MIP: variants seen among roughly 807,000 people sequenced by gnomAD.
The protein encoded by MIP is lens fiber major intrinsic protein.
Under a neutral mutation model 21.8 loss-of-function variants are expected in MIP, and 14 were observed. The observed-to-expected ratio is 0.64, with a 90% confidence interval of 0.42 to 1.00. The LOEUF (loss-of-function observed/expected upper bound fraction) is 1.00. Among genes scored for constraint, MIP ranks in the 50% least tolerant of loss-of-function variants. The probability of loss-of-function intolerance (pLI) is 0.00; values close to 1 mark genes in which losing one functional copy is unlikely to be tolerated. For missense variants in MIP, 260 were observed against 333.5 expected, an observed-to-expected ratio of 0.78 and a Z score of 1.72; for synonymous variants, 133 against 141.4, an observed-to-expected ratio of 0.94 and a Z score of 0.42.
In MIP at chr12:56,450,636, G is replaced by A. The variant is rs1868566825; in HGVS notation, c.*644C>T. 1 of 152,854 alleles carries A rather than the reference G, an allele frequency of 6.5e-6. No individual in the cohort carries two copies. The highest frequency in any genetic ancestry group is 1.5e-5 in the Non-Finnish European group (1 of 68,592). 9.5% of individuals were successfully genotyped at this position (152,854 alleles called of 1,614,324 possible). A position where few individuals can be genotyped will look rare whatever the true frequency, so the allele number is the denominator to read the frequency against. On this transcript the variant is annotated 3_prime_UTR_variant, in exon 4 of 4. Transcript: ENST00000652304. ...TTCTCAGAGCTACTTCCCCACCCAA[G>A]TCCCTGGGGCAAGCATCCCTAAGAT...
At position 56,453,102 on chromosome 12, in the gene MIP, G is replaced by A. The variant is rs754037578; in HGVS notation, c.576C>T (p.Ala192=). The change falls in exon 3 of 4, where the codon GCC becomes GCT. Residue 192 remains alanine, a synonymous_variant. Transcript: ENST00000652304. The part of the protein sequence containing the change: ...GMNPARSFAP[A]ILTGNFTNHW... ...GGTTAGTGAAGTTCCCAGTGAGAAT[G>A]GCAGGAGCAAAGGAGCGGGCAGGAT... The A allele has an allele frequency of 1.4e-5, 23 of 1,613,466 alleles. No individual in the cohort carries two copies. In the East Asian group the frequency reaches 4.9e-4, roughly 34 times the overall value.
intron 2 of MIP, 61 bp downstream of exon 2, chr12:56,453,530 T>C (rs2136166212): frequency 1.3e-6 from 2 of 1,588,092 alleles, no homozygotes; most frequent in East Asian, 2.2e-5. Flanking sequence ...CCCTTAAAAG[T>C]TGGGAAAGGT....
Position 56,451,146 on chromosome 12 carries a change from A to G in MIP, c.*134T>C. The G allele has an allele frequency of 1.4e-6, 1 of 727,600 alleles. No homozygotes were observed. Among genetic ancestry groups the G allele is most frequent in the South Asian group, 1.8e-5 (1 of 55,764 alleles). The allele number at this position is 727,600 out of a possible 1,614,324, so 45.1% of individuals were successfully genotyped here. A position where few individuals can be genotyped will look rare whatever the true frequency, so the allele number is the denominator to read the frequency against. On this transcript the variant is annotated 3_prime_UTR_variant, in exon 4 of 4. Transcript: ENST00000652304. ...ACAGCAAAAGGAAAAAAAAAAAAAA[A>G]ACAACCACATACATAAGTTAAAAAA...
At position 56,450,974 on chromosome 12, in the gene MIP, G is replaced by A; in HGVS notation, c.*306C>T. 3 of 391,752 alleles carry A rather than the reference G, an allele frequency of 7.7e-6. No homozygotes were observed. The highest frequency in any genetic ancestry group is 7.3e-5 in the South Asian group (3 of 41,066). 24.3% of individuals were successfully genotyped at this position (391,752 alleles called of 1,614,324 possible). A position where few individuals can be genotyped will look rare whatever the true frequency, so the allele number is the denominator to read the frequency against. On this transcript the variant is annotated 3_prime_UTR_variant, in exon 4 of 4. Transcript: ENST00000652304. The stretch of plus-strand genomic sequence containing the variant: ...GAGGTATAGGATGGCACCTCTTTTT[G>A]CTTCCTTAGCTCTCATGCCCCAAAA...
chr12:56,452,877 G>A, intron 3 of MIP, 195 bp downstream of exon 3: 1 of 628,424 alleles, frequency 1.6e-6, no homozygotes, highest in Non-Finnish European at 2.9e-6. Flanking sequence ...GGAAAAATAT[G>A]AGCAAGAGCC....
Position 56,451,941 on chromosome 12 carries a change from C to G in MIP, c.607-476G>C, listed in dbSNP as rs139432087. The stretch of plus-strand genomic sequence containing the variant: ...CCTGAAATCCCAGCTACTCAGGAGG[C>G]TGAGGCAGGAGAATTGCTTGAACCC... On this transcript the variant is annotated intron_variant, in intron 3 of 3. Transcript: ENST00000652304. Among the ~76,000 whole-genome samples, 780 of 152,248 alleles carry G rather than the reference C, an allele frequency of 5.1e-3. 6 individuals carry two copies. Among genetic ancestry groups the G allele is most frequent in the African/African-American group, 0.018 (730 of 41,540 alleles).
chr12:56,454,193 G>A, intron 1 of MIP, 61 bp downstream of exon 1: 2 of 1,610,818 alleles, frequency 1.2e-6, no homozygotes, highest in East Asian at 2.2e-5. Flanking sequence ...ACCAGTCAGG[G>A]AGTCAGGGCA....
rs762459549 is a variant in MIP at position 56,454,338 on chromosome 12, G to A, written c.276C>T (p.Ala92=). 15 of 1,613,822 alleles carry A rather than the reference G, an allele frequency of 9.3e-6. No homozygotes were observed. The highest frequency in any genetic ancestry group is 1.1e-5 in the South Asian group (1 of 91,090). ...CCCCAGCCACAGCTCCCAGGAGCTG[G>A]GCTGCCATATAGCAGAAGGCACGGA... The part of the protein sequence containing the change: ...SLLRAFCYMA[A]QLLGAVAGAA... The change falls in exon 1 of 4, where the codon GCC becomes GCT. Residue 92 remains alanine (A), a synonymous_variant. Coordinates refer to ENST00000652304, the MANE Select transcript of MIP (RefSeq NM_012064.4).
At position 56,451,281 on chromosome 12, in the gene MIP, T is replaced by TA. The variant is rs549078404; in HGVS notation, c.790dup (p.Ter264LeufsTer7). 6.4e-5 allele frequency: 103 copies of TA among 1,613,340 alleles called. No individual in the cohort carries two copies. The highest frequency in any genetic ancestry group is 8.6e-5 in the Non-Finnish European group (101 of 1,180,020). ...ACTCCCTCTATTCAGCTGGAGCTTC[T>TA]ACAGGGCCTGGGTGTTCAGTTCAAC... On this transcript the variant is annotated frameshift_variant and stop_lost, in exon 4 of 4. Transcript: ENST00000652304. LOFTEE classifies it high-confidence loss of function.
At position 56,454,421 on chromosome 12, in the gene MIP, C is replaced by T; in HGVS notation, c.193G>A (p.Ala65Thr). Residue 65 changes from alanine (A) to threonine (T), a missense_variant, in exon 1 of 4, where the codon GCC (alanine) becomes ACC (threonine). Transcript: ENST00000652304. ...AAAGTGACTGCAGGATTGACGTGGG[C>T]TCCACTGATGTGGCCCACAGACTGC... ...LVQSVGHISG[A>T]HVNPAVTFAF... 6.2e-7 allele frequency: 1 copy of T among 1,614,168 alleles called. No homozygotes were observed. The highest frequency in any genetic ancestry group is 1.1e-5 in the South Asian group (1 of 91,086).
intron 3 of MIP, among the ~76,000 whole-genome samples, chr12:56,452,124 T>C (rs1868640068): frequency 6.6e-6 from 1 of 152,224 alleles, no homozygotes; most frequent in Non-Finnish European, 1.5e-5. Context: ...GTGCAACCTA[T>C]GTCTAGAACT....
chr12:56,454,259 T>G lies in MIP; in HGVS notation c.355A>C (p.Asn119His), dbSNP rs1369582895. Residue 119 changes from asparagine to histidine, a missense_variant, in exon 1 of 4, where the codon AAC (asparagine) becomes CAC (histidine). Asn to His is a moderately conservative substitution (Grantham distance 68, BLOSUM62 1). Coordinates refer to ENST00000652304, the MANE Select transcript of MIP (RefSeq NM_012064.4). ...CCCTCTCAGCCAACCATTACCGTGT[T>G]GAGTGCTAGGTTTCCTCGGACAGCA... ...PPAVRGNLAL[N>H]TLHPAVSVGQ... The G allele has an allele frequency of 6.2e-7, 1 of 1,614,070 alleles. No individual in the cohort carries two copies. Among genetic ancestry groups the G allele is most frequent in the East Asian group, 2.2e-5 (1 of 44,884 alleles).
At chr12:56,452,952 T>C in intron 3 of MIP, 120 bp downstream of exon 3, 1 of 779,892 alleles carries the variant, frequency 1.3e-6, no homozygotes, top group South Asian at 1.4e-5. Context: ...ACAGCCCCCT[T>C]AGCTGAGTGC....
At chr12:56,455,765 C>A (rs1039295514), upstream of MIP, among the ~76,000 whole-genome samples, 1 of 152,162 alleles carries the variant, frequency 6.6e-6, no homozygotes, top group Non-Finnish European at 1.5e-5. Context: ...ATAGGTTCTA[C>A]CATCTCCACA....
intron 3 of MIP, 76 bp downstream of exon 3, chr12:56,452,996 A>G: frequency 1.0e-6 from 1 of 1,001,856 alleles, no homozygotes; most frequent in Non-Finnish European, 1.6e-6. Flanking sequence ...GAAGGAAAGC[A>G]GGAATCCAGC....
upstream of MIP, among the ~76,000 whole-genome samples, chr12:56,456,081 G>C (rs1203219269): frequency 6.6e-6 from 1 of 152,162 alleles, no homozygotes; most frequent in Non-Finnish European, 1.5e-5. Context: ...AAGAGAAACA[G>C]TCCACTAGAA....
At chr12:56,452,297 C>T (rs1868645948) in intron 3 of MIP, among the ~76,000 whole-genome samples, 3 of 152,110 alleles carry the variant, frequency 2.0e-5, no homozygotes, top group Admixed American at 2.0e-4. Flanking sequence ...CTTTTTGTGA[C>T]TGGCTTATTC....
rs777950301 is a variant in MIP, at chr12:56,454,394, C to A, written c.220G>T (p.Ala74Ser). Residue 74 changes from alanine (A) to serine (S), a missense_variant, in exon 1 of 4, where the codon GCT (alanine) becomes TCT (serine). Transcript: ENST00000652304. Reference protein sequence around the residue: ...GAHVNPAVTFAFLVGSQMSLL... With the variant: ...GAHVNPAVTFSFLVGSQMSLL... ...GACATCTGGGAGCCCACAAGGAAAG[C>A]AAAAGTGACTGCAGGATTGACGTGG... is the stretch of plus-strand genomic sequence containing the variant. 1 of 1,614,172 alleles carries A rather than the reference C, an allele frequency of 6.2e-7. No individual in the cohort carries two copies. The highest frequency in any genetic ancestry group is 8.5e-7 in the Non-Finnish European group (1 of 1,180,044).
intron 2 of MIP, 129 bp downstream of exon 2, chr12:56,453,462 G>T: frequency 1.9e-6 from 2 of 1,036,198 alleles, no homozygotes; most frequent in Non-Finnish European, 3.0e-6. Flanking sequence ...ATTCCTTTGT[G>T]CCAGTAGAGA....
Sources: gnomAD v4.1 joint callset for allele counts (sites outside exome capture counted in the v4.1 genomes callset) on GRCh38, gnomAD v4.1.1 for gene constraint, MANE v1.5 for transcripts, NCBI Gene and HGNC (gene_info 2026-07-23, HGNC 2026-07-21) for gene names.